Variants in RSRC1 observed in about 807,000 individuals in gnomAD.
RSRC1 encodes the protein serine/Arginine-related protein 53.
RSRC1 carries 39 observed loss-of-function variants against 49.1 expected under a neutral mutation model. The ratio of observed to expected loss-of-function variants is 0.79; its 90% CI spans 0.61 to 1.04. RSRC1 has a LOEUF of 1.04. RSRC1 is among the 50% of genes least tolerant of loss of function. RSRC1 has a pLI of 0.00. For missense variants in RSRC1, 388 were observed against 402.4 expected, an observed-to-expected ratio of 0.96 and a Z score of 0.31; for synonymous variants, 143 against 130.8, an observed-to-expected ratio of 1.09 and a Z score of -0.63.
intron 5 of RSRC1, among the ~76,000 whole-genome samples, chr3:158,309,432 G>A (rs976039793): frequency 2.0e-5 from 3 of 151,478 alleles, no homozygotes; most frequent in Non-Finnish European, 4.4e-5. Flanking sequence ...TCTATTTTTT[G>A]AACTATGATA....
chr3:158,176,935 A>C (rs1294527861), intron 3 of RSRC1, among the ~76,000 whole-genome samples: 1 of 152,220 alleles, frequency 6.6e-6, no homozygotes, highest in East Asian at 1.9e-4. Flanking sequence ...CAAAGAACTT[A>C]AACAAATTTA....
intron 5 of RSRC1, among the ~76,000 whole-genome samples, chr3:158,318,195 C>G (rs1336676911): frequency 6.6e-6 from 1 of 152,040 alleles, no homozygotes; most frequent in African/African-American, 2.4e-5. Context: ...CCAGGGGCTC[C>G]CAGGCTTCAT....
intron 3 of RSRC1, among the ~76,000 whole-genome samples, chr3:158,127,343 A>C (rs1419037770): frequency 6.6e-6 from 1 of 151,934 alleles, no homozygotes; most frequent in Non-Finnish European, 1.5e-5. Flanking sequence ...ATAGTCCCTT[A>C]GGCTTCCTTC....
At chr3:158,217,026 A>G (rs1721979554) in intron 4 of RSRC1, among the ~76,000 whole-genome samples, 1 of 151,698 alleles carries the variant, frequency 6.6e-6, no homozygotes. Context: ...TTAGAACTTC[A>G]GCTATATCTA....
chr3:158,354,962 G>T (rs1221548750), intron 6 of RSRC1, 54 bp downstream of exon 6: 18 of 1,220,834 alleles, frequency 1.5e-5, no homozygotes, highest in Non-Finnish European at 1.8e-5. Context: ...GTAAACCCTA[G>T]GCTGGTAGCA....
At chr3:158,158,466 T>G (rs1162330666) in intron 3 of RSRC1, among the ~76,000 whole-genome samples, 1 of 152,176 alleles carries the variant, frequency 6.6e-6, no homozygotes, top group East Asian at 1.9e-4. Context: ...TTCTAACAAG[T>G]TTATCTAAGA....
chr3:158,401,269 C>G (rs1733883148), intron 6 of RSRC1, among the ~76,000 whole-genome samples: 1 of 151,966 alleles, frequency 6.6e-6, no homozygotes, highest in South Asian at 2.1e-4. Context: ...CTTTCTGTGG[C>G]TGAGTTTTCA....
At chr3:158,348,560 T>TTG (rs981292994) in intron 5 of RSRC1, among the ~76,000 whole-genome samples, 36 of 149,982 alleles carry the variant, frequency 2.4e-4, no homozygotes, top group African/African-American at 8.5e-4. Flanking sequence ...TTAGAAGTTT[T>TTG]TGTGTGTTTT....
intron 5 of RSRC1, among the ~76,000 whole-genome samples, chr3:158,338,394 G>A (rs1209109688): frequency 6.6e-6 from 1 of 151,996 alleles, no homozygotes; most frequent in Admixed American, 6.6e-5. Flanking sequence ...TGAGCTATTT[G>A]TAATATCTCT....
At chr3:158,171,212 A>G (rs1457828730) in intron 3 of RSRC1, among the ~76,000 whole-genome samples, 3 of 152,208 alleles carry the variant, frequency 2.0e-5, no homozygotes, top group African/African-American at 7.2e-5. Context: ...AGAACTTTTG[A>G]TCTAAACCAA....
At chr3:158,120,701 A>G (rs1715197414) in intron 1 of RSRC1, among the ~76,000 whole-genome samples, 1 of 147,590 alleles carries the variant, frequency 6.8e-6, no homozygotes, top group Non-Finnish European at 1.5e-5. Flanking sequence ...ATATATATAA[A>G]TATATTCCAT....
intron 3 of RSRC1, among the ~76,000 whole-genome samples, chr3:158,190,414 T>C (rs73027918): frequency 0.012 from 1,788 of 152,040 alleles, 29 homozygotes; most frequent in African/African-American, 0.041. Flanking sequence ...TCTACTACTT[T>C]TGTTTTCTTT....
intron 4 of RSRC1, among the ~76,000 whole-genome samples, chr3:158,242,731 C>T (rs1232089536): frequency 2.6e-5 from 4 of 151,672 alleles, no homozygotes; most frequent in African/African-American, 9.7e-5. Context: ...TTTTTTCCCC[C>T]CTTTTAATAA....
At chr3:158,441,193 G>A (rs1736362123) in intron 6 of RSRC1, among the ~76,000 whole-genome samples, 1 of 151,990 alleles carries the variant, frequency 6.6e-6, no homozygotes, top group South Asian at 2.1e-4. Context: ...CTCTAAATCT[G>A]GGTTATGAAG....
chr3:158,350,656 T>A (rs772516255), intron 5 of RSRC1, among the ~76,000 whole-genome samples: 15 of 152,184 alleles, frequency 9.9e-5, no homozygotes, highest in Non-Finnish European at 1.9e-4. Flanking sequence ...TCTCATTAAG[T>A]TTCTATCATA....
intron 6 of RSRC1, among the ~76,000 whole-genome samples, chr3:158,399,731 A>G (rs992773040): frequency 3.3e-5 from 5 of 152,258 alleles, no homozygotes; most frequent in African/African-American, 1.2e-4. Flanking sequence ...AAGCCCTAGT[A>G]TACATCTAGC....
chr3:158,500,919 T>A (rs7619886), intron 7 of RSRC1, among the ~76,000 whole-genome samples: 1 of 151,940 alleles, frequency 6.6e-6, no homozygotes, highest in African/African-American at 2.4e-5. Context: ...TGTTTTTTTC[T>A]TGTTTCTCTA....
intron 4 of RSRC1, among the ~76,000 whole-genome samples, chr3:158,237,576 A>C (rs1303423155): frequency 6.6e-6 from 1 of 152,200 alleles, no homozygotes; most frequent in African/African-American, 2.4e-5. Context: ...CTTTTCTGAC[A>C]ACTAATGATG....
intron 3 of RSRC1, among the ~76,000 whole-genome samples, chr3:158,193,365 TA>T (rs1327698811): frequency 1.3e-5 from 2 of 152,216 alleles, no homozygotes; most frequent in East Asian, 3.9e-4. Context: ...TCCAACAGTA[TA>T]TTTTTTTAAT....
Sources: allele counts gnomAD v4.1 joint callset (sites outside exome capture counted in the v4.1 genomes callset), GRCh38; gene constraint gnomAD v4.1.1; transcripts MANE v1.5; gene names NCBI Gene and HGNC (gene_info 2026-07-23, HGNC 2026-07-21).